RABGAP1L: variants seen among roughly 807,000 people sequenced by gnomAD.
RABGAP1L encodes the protein rab GTPase-activating protein 1-like.
Under a neutral mutation model 137.7 loss-of-function variants are expected in RABGAP1L, and 63 were observed. That is an observed-to-expected ratio of 0.46 (90% CI 0.37 to 0.56). RABGAP1L has a LOEUF of 0.56. Among genes scored for constraint, RABGAP1L ranks in the 20% least tolerant of loss-of-function variants. The pLI is 0.00. For missense variants in RABGAP1L, 1,095 were observed against 1,244.0 expected, an observed-to-expected ratio of 0.88 and a Z score of 1.80; for synonymous variants, 431 against 433.7, an observed-to-expected ratio of 0.99 and a Z score of 0.08.
chr1:174,273,187 T>C (rs193202580), intron 8 of RABGAP1L, among the ~76,000 whole-genome samples: 1 of 152,196 alleles, frequency 6.6e-6, no homozygotes, highest in Admixed American at 6.5e-5. Flanking sequence ...TGCTTTCTTC[T>C]TTTTAGCTGT....
chr1:174,613,286 C>G (rs1463182589), intron 13 of RABGAP1L, among the ~76,000 whole-genome samples: 1 of 152,066 alleles, frequency 6.6e-6, no homozygotes, highest in Non-Finnish European at 1.5e-5. Flanking sequence ...CAAAGTACAT[C>G]TTTATTTCTG....
In RABGAP1L at chr1:174,442,853, A is replaced by G. The variant is rs1304275642; in HGVS notation, c.1710+48708A>G. On this transcript the variant is annotated intron_variant, in intron 13 of 25. Transcript: ENST00000681986. ...GACTGCATTTTTGTAACCATTATCC[A>G]ACTTCTTTTCATTCCTTTTTCCCTA... Among the ~76,000 whole-genome samples the G allele has an allele frequency of 2.6e-5, 4 of 152,066 alleles. No individual in the cohort carries two copies. In the South Asian group the frequency reaches 8.3e-4, roughly 31 times the overall value.
At chr1:174,935,639 A>G (rs940559823) in intron 19 of RABGAP1L, 1 of 152,142 alleles carries the variant, frequency 6.6e-6, no homozygotes, top group African/African-American at 2.4e-5. Context: ...ACACTTTGTA[A>G]TTTTGTAAAA....
At chr1:174,532,222 T>G (rs1198401423) in intron 13 of RABGAP1L, among the ~76,000 whole-genome samples, 1 of 151,844 alleles carries the variant, frequency 6.6e-6, no homozygotes, top group African/African-American at 2.4e-5. Flanking sequence ...TTTGTTTTTT[T>G]TTTTGGGACA....
At chr1:174,314,801 A>G (rs1034685160) in intron 11 of RABGAP1L, among the ~76,000 whole-genome samples, 1 of 152,196 alleles carries the variant, frequency 6.6e-6, no homozygotes, top group Non-Finnish European at 1.5e-5. Flanking sequence ...TATAGTTTCC[A>G]AAATTCCTCT....
chr1:174,606,865 T>C (rs1175861228), intron 13 of RABGAP1L, among the ~76,000 whole-genome samples: 2 of 152,186 alleles, frequency 1.3e-5, no homozygotes, highest in South Asian at 2.1e-4. Flanking sequence ...ATTAAATAAA[T>C]GTAACACAGC....
intron 13 of RABGAP1L, among the ~76,000 whole-genome samples, chr1:174,397,834 C>A (rs1341798594): frequency 6.6e-6 from 1 of 152,128 alleles, no homozygotes; most frequent in East Asian, 1.9e-4. Flanking sequence ...TTAGTGCCAC[C>A]CTGACTTCAG....
chr1:174,510,647 A>T (rs1296511147), intron 13 of RABGAP1L, among the ~76,000 whole-genome samples: 2 of 152,176 alleles, frequency 1.3e-5, no homozygotes, highest in African/African-American at 4.8e-5. Flanking sequence ...GGTTTCTCTC[A>T]GCTTTGCTTT....
chr1:174,332,380 T>TTTTATTTA (rs57912999), intron 11 of RABGAP1L, among the ~76,000 whole-genome samples: 321 of 149,838 alleles, frequency 2.1e-3, no homozygotes, highest in East Asian at 6.9e-3. Context: ...TTATCTAAAT[T>TTTTATTTA]TTTATTTATT....
intron 13 of RABGAP1L, among the ~76,000 whole-genome samples, chr1:174,484,293 C>G (rs1293490150): frequency 6.6e-6 from 1 of 152,116 alleles, no homozygotes; most frequent in African/African-American, 2.4e-5. Flanking sequence ...CTTATAGATT[C>G]TGGTTATTAA....
intron 1 of RABGAP1L, among the ~76,000 whole-genome samples, chr1:174,168,749 C>CTAG (rs1212579496): frequency 1.3e-5 from 2 of 152,010 alleles, no homozygotes; most frequent in African/African-American, 4.8e-5. Context: ...TATTCAAATC[C>CTAG]TAGGGTGACC....
At chr1:174,478,371 A>C (rs1217344654) in intron 13 of RABGAP1L, among the ~76,000 whole-genome samples, 2 of 151,936 alleles carry the variant, frequency 1.3e-5, no homozygotes, top group Non-Finnish European at 2.9e-5. Flanking sequence ...CCTGGGCTCA[A>C]GCAATCTTCC....
At chr1:174,529,210 C>T (rs1354277150) in intron 13 of RABGAP1L, among the ~76,000 whole-genome samples, 1 of 151,624 alleles carries the variant, frequency 6.6e-6, no homozygotes, top group Non-Finnish European at 1.5e-5. Flanking sequence ...CTTGCTTTTC[C>T]ATGTTTTCTG....
chr1:174,366,029 A>G (rs1571428733), intron 11 of RABGAP1L, among the ~76,000 whole-genome samples: 1 of 152,220 alleles, frequency 6.6e-6, no homozygotes, highest in East Asian at 1.9e-4. Context: ...TTTTTTGGTG[A>G]CAAATACCAG....
intron 13 of RABGAP1L, among the ~76,000 whole-genome samples, chr1:174,445,958 A>T (rs1364743639): frequency 6.6e-6 from 1 of 152,200 alleles, no homozygotes; most frequent in Non-Finnish European, 1.5e-5. Flanking sequence ...GTAAGTCTAT[A>T]AGCCTGCATG....
At position 174,761,961 on chromosome 1, in the gene RABGAP1L, T is replaced by C. The variant is rs1013122723; in HGVS notation, c.2211+9607T>C. ...AAGTACCGCAGGGTGATGGGAGTTATGGGTAGGTTGCAATGTTAAATAGGG... is the reference window on the plus strand; with the variant it reads ...AAGTACCGCAGGGTGATGGGAGTTACGGGTAGGTTGCAATGTTAAATAGGG... On this transcript the variant is annotated intron_variant, in intron 18 of 25. Coordinates refer to ENST00000681986, the MANE Select transcript of RABGAP1L (RefSeq NM_001366446.1). The surrounding 1 kb of genome is among the most constrained non-coding windows in gnomAD (Gnocchi z 4.0). Among the ~76,000 whole-genome samples, 3 of 152,022 alleles carry C rather than the reference T, an allele frequency of 2.0e-5. No homozygotes were observed. The highest frequency in any genetic ancestry group is 2.1e-4 in the South Asian group (1 of 4,812).
chr1:174,450,503 T>C (rs1295615716), intron 13 of RABGAP1L, among the ~76,000 whole-genome samples: 2 of 152,222 alleles, frequency 1.3e-5, no homozygotes, highest in East Asian at 1.9e-4. Flanking sequence ...TATTTAGATA[T>C]TTATATTAGA....
chr1:174,853,231 T>G (rs1418422492), intron 19 of RABGAP1L, among the ~76,000 whole-genome samples: 3 of 150,708 alleles, frequency 2.0e-5, no homozygotes, highest in Non-Finnish European at 3.0e-5. Flanking sequence ...CTGGGTTGTT[T>G]TTTTTTTTTT....
At chr1:174,714,339 C>G in intron 17 of RABGAP1L, among the ~76,000 whole-genome samples, 1 of 152,174 alleles carries the variant, frequency 6.6e-6, no homozygotes, top group African/African-American at 2.4e-5. Flanking sequence ...TATTTATTGA[C>G]TTACTTTGTA....
Sources: allele counts gnomAD v4.1 joint callset (sites outside exome capture counted in the v4.1 genomes callset), GRCh38; gene constraint gnomAD v4.1.1; non-coding constraint Gnocchi (gnomAD v3.1); transcripts MANE v1.5; gene names NCBI Gene and HGNC (gene_info 2026-07-23, HGNC 2026-07-21).